The following GRIK5 variants were observed in gnomAD, a reference collection of about 807,000 sequenced individuals.
GRIK5 encodes glutamate receptor ionotropic, kainate 5.
In GRIK5, 43 loss-of-function variants were observed where a neutral mutation model predicts 97.4. The observed-to-expected ratio is 0.44, with a 90% CI of 0.35 to 0.57. GRIK5 has a LOEUF of 0.57. GRIK5 is among the 20% of genes least tolerant of loss of function. The pLI, the probability that GRIK5 is intolerant of heterozygous loss-of-function variation, is 0.01. For missense variants in GRIK5, 1,015 were observed against 1,382.0 expected, an observed-to-expected ratio of 0.73 and a Z score of 4.21; for synonymous variants, 580 against 583.5, an observed-to-expected ratio of 0.99 and a Z score of 0.09.
intron 15 of GRIK5, among the ~76,000 whole-genome samples, chr19:42,017,936 A>G (rs2075645319): frequency 6.6e-6 from 1 of 152,150 alleles, no homozygotes; most frequent in Non-Finnish European, 1.5e-5. Flanking sequence ...GAATGGAAAC[A>G]GGGAGGTCAG....
At chr19:42,025,273 A>T (rs2146061081) in intron 12 of GRIK5, among the ~76,000 whole-genome samples, 1 of 152,310 alleles carries the variant, frequency 6.6e-6, no homozygotes, top group South Asian at 2.1e-4. Flanking sequence ...CATTCTACGC[A>T]TGAGGAAACT....
In GRIK5 at chr19:42,056,742, G is replaced by C. The variant is rs1395246692; in HGVS notation, c.823C>G (p.Pro275Ala). 6.2e-7 allele frequency: 1 copy of C among 1,613,878 alleles called. No individual in the cohort carries two copies. Among genetic ancestry groups the C allele is most frequent in the South Asian group, 1.1e-5 (1 of 91,078 alleles). Residue 275 changes from proline to alanine, a missense_variant, in exon 8 of 20, where the codon CCC becomes GCC. Physicochemically the swap from Pro to Ala is conservative, Grantham distance 27. Around this residue, in one of 5 missense-constraint regions of GRIK5, gnomAD observed 477 missense variants for 701.1 expected, o/e 0.68. Coordinates refer to ENST00000593562, the MANE Select transcript of GRIK5 (RefSeq NM_002088.5). ...LGFSMFNTSH[P>A]FYPEFVRSLN... ...CTGCGGACAAACTCAGGGTAGAAGG[G>C]GTGGGACGTGTTGAACATGGAGAAG...
At chr19:42,026,870 CTTG>C (rs1347934433) in intron 12 of GRIK5, among the ~76,000 whole-genome samples, 3 of 152,096 alleles carry the variant, frequency 2.0e-5, no homozygotes, top group African/African-American at 7.2e-5. Flanking sequence ...ACCCAGCCAC[CTTG>C]TTCTTAAACT....
At chr19:42,052,204 G>C (rs950630236) in intron 11 of GRIK5, among the ~76,000 whole-genome samples, 1 of 152,150 alleles carries the variant, frequency 6.6e-6, no homozygotes, top group Admixed American at 6.5e-5. Context: ...GGAGAAGCAG[G>C]GAGGAGAGTG....
intron 12 of GRIK5, among the ~76,000 whole-genome samples, chr19:42,025,307 G>A (rs1367733163): frequency 2.0e-5 from 3 of 152,146 alleles, no homozygotes; most frequent in East Asian, 3.8e-4. Context: ...TAAGCCTCTT[G>A]CCACAGTTGA....
intron 15 of GRIK5, among the ~76,000 whole-genome samples, chr19:42,011,548 G>A (rs1283350915): frequency 1.8e-4 from 26 of 142,044 alleles, no homozygotes; most frequent in African/African-American, 5.7e-4. Flanking sequence ...GCGAGACTCC[G>A]TCTCAAAAAA....
rs892637951 is a variant in GRIK5, at chr19:42,069,791, G to A, written c.-601C>T. On this transcript the variant is annotated 5_prime_UTR_variant, in exon 1 of 20. Transcript: ENST00000593562. ...CTGGAGCCTGGGCCCTGCCCTGGTT[G>A]AGGCAAGGGCCCGGAGTCCTCAAGC... Among the ~76,000 whole-genome samples, 1 of 152,022 alleles carries A rather than the reference G, an allele frequency of 6.6e-6. No homozygotes were observed. The highest frequency in any genetic ancestry group is 1.5e-5 in the Non-Finnish European group (1 of 67,944).
chr19:42,060,058 G>A (rs2076239100), intron 5 of GRIK5, among the ~76,000 whole-genome samples: 1 of 151,950 alleles, frequency 6.6e-6, no homozygotes, highest in Non-Finnish European at 1.5e-5. Context: ...AGAATGATAC[G>A]GGTCAGATGT....
chr19:42,015,968 G>A (rs957044761), intron 15 of GRIK5, among the ~76,000 whole-genome samples: 3 of 152,192 alleles, frequency 2.0e-5, no homozygotes, highest in African/African-American at 7.2e-5. Context: ...ACTGGGATGG[G>A]GATGGAGTGA....
chr19:42,063,968 C>A (rs185327039), intron 3 of GRIK5, among the ~76,000 whole-genome samples: 272 of 152,334 alleles, frequency 1.8e-3, no homozygotes, highest in Middle Eastern at 3.4e-3. Context: ...ACCTTCCACA[C>A]TGGTAAGGGC....
intron 8 of GRIK5, among the ~76,000 whole-genome samples, chr19:42,056,165 G>T (rs1457133748): frequency 6.6e-6 from 1 of 151,746 alleles, no homozygotes; most frequent in Non-Finnish European, 1.5e-5. Context: ...TTGTACTTTT[G>T]TAGAGATGGG....
chr19:42,067,647 A>G (rs1291537748), intron 1 of GRIK5, among the ~76,000 whole-genome samples: 2 of 152,188 alleles, frequency 1.3e-5, no homozygotes, highest in Non-Finnish European at 2.9e-5. Flanking sequence ...GAGATGGGAC[A>G]GAAGGACAGG....
At position 42,062,501 on chromosome 19, in the gene GRIK5, G is replaced by A. The variant is rs151066370; in HGVS notation, c.495C>T (p.Cys165=). 6.9e-5 allele frequency: 112 copies of A among 1,613,978 alleles called. No homozygotes were observed. The highest frequency in any genetic ancestry group is 2.0e-4 in the Admixed American group (12 of 59,992). The change falls in exon 5 of 20, where the codon TGC becomes TGT. Residue 165 remains cysteine, a synonymous_variant. Transcript: ENST00000593562. This position sits in a 1 kb window ranked among gnomAD's most constrained non-coding sequence, Gnocchi z 5.3. ...SFNYPSASLI[C]AKAECLLRLE... ...GTTCTCCCTCACACTCAGCCTTGGC[G>A]CAGATGAGGCTGGCCGAGGGGTAGT...
rs2076396873 is a variant in GRIK5, at chr19:42,069,695, C to A, written c.-505G>T. ...CGAGGACTGGGTGGAGAAAAGGAAG[C>A]CGGCCATCAGGAGAAGTGGGGGAGG... is the stretch of plus-strand genomic sequence containing the variant. On this transcript the variant is annotated 5_prime_UTR_variant, in exon 1 of 20. Transcript: ENST00000593562. Among the ~76,000 whole-genome samples, 16 of 149,544 alleles carry A rather than the reference C, an allele frequency of 1.1e-4. No homozygotes were observed. The South Asian group carries it at 3.4e-3, about 32-fold the overall frequency.
Position 42,056,767 on chromosome 19 carries a change from G to T in GRIK5, c.798C>A (p.Gly266=). ...GGTGGGACGTGTTGAACATGGAGAA[G>T]CCCAGGATGTTGGAGGAGTCCTCCA... ...GIVEDSSNIL[G]FSMFNTSHPF... The change falls in exon 8 of 20, where the codon GGC becomes GGA. Residue 266 remains glycine, a synonymous_variant. Coordinates refer to ENST00000593562, the MANE Select transcript of GRIK5 (RefSeq NM_002088.5). The T allele has an allele frequency of 6.2e-7, 1 of 1,614,082 alleles. No individual in the cohort carries two copies. Among genetic ancestry groups the T allele is most frequent in the East Asian group, 2.2e-5 (1 of 44,876 alleles).
intron 12 of GRIK5, among the ~76,000 whole-genome samples, chr19:42,027,353 G>C (rs2075784826): frequency 6.6e-6 from 1 of 152,204 alleles, no homozygotes; most frequent in Non-Finnish European, 1.5e-5. Context: ...AAGACCTAGG[G>C]GGAAGGTTCC....
chr19:42,002,602 G>A lies in GRIK5; in HGVS notation c.2514+730C>T. ...ATGTGAGGAGGGGGAGGAAGGGCTG[G>A]AGGCTGACAGAGAGAGGGGAAGCAG... is the stretch of plus-strand genomic sequence containing the variant. On this transcript the variant is annotated intron_variant, in intron 19 of 19. Coordinates refer to ENST00000593562, the MANE Select transcript of GRIK5 (RefSeq NM_002088.5). The surrounding 1 kb of genome is among the most constrained non-coding windows in gnomAD (Gnocchi z 5.2). 1.6e-6 allele frequency: 1 copy of A among 633,532 alleles called. No individual in the cohort carries two copies. Among genetic ancestry groups the A allele is most frequent in the East Asian group, 2.7e-5 (1 of 36,656 alleles). The allele number at this position is 633,532 out of a possible 1,614,324, so 39.2% of individuals were successfully genotyped here.
chr19:42,011,508 G>A (rs868496562), intron 15 of GRIK5, among the ~76,000 whole-genome samples: 7 of 149,914 alleles, frequency 4.7e-5, no homozygotes, highest in South Asian at 2.1e-4. Flanking sequence ...AGCCGAGATC[G>A]CGCCACTGCA....
At chr19:42,059,605 A>AC in intron 5 of GRIK5, 78 bp from the exon 6 acceptor site, 1 of 1,256,110 alleles carries the variant, frequency 8.0e-7, no homozygotes, top group East Asian at 2.4e-5. Context: ...CCTCCTCAAC[A>AC]TGGGGCAGCT....
Sources: allele counts gnomAD v4.1 joint callset (sites outside exome capture counted in the v4.1 genomes callset), GRCh38; gene constraint gnomAD v4.1.1; regional missense constraint gnomAD v4.1.1; non-coding constraint Gnocchi (gnomAD v3.1); transcripts MANE v1.5; gene names NCBI Gene and HGNC (gene_info 2026-07-23, HGNC 2026-07-21).